Variants in CLPTM1 observed in about 807,000 individuals in gnomAD.
CLPTM1 encodes the protein putative lipid scramblase CLPTM1.
In CLPTM1, 21 loss-of-function variants were observed where a neutral mutation model predicts 77.3. The observed-to-expected ratio is 0.27, with a 90% CI of 0.19 to 0.39. The LOEUF is 0.39. CLPTM1 is among the 10% of genes least tolerant of loss of function. CLPTM1 has a pLI of 1.00. For missense variants in CLPTM1, 642 were observed against 921.2 expected (o/e 0.70, Z 3.92); for synonymous variants, 373 against 381.0 (o/e 0.98, Z 0.24).
At chr19:44,957,071 A>G (rs990655187) in intron 1 of CLPTM1, among the ~76,000 whole-genome samples, 3 of 152,188 alleles carry the variant, frequency 2.0e-5, no homozygotes, top group African/African-American at 7.2e-5. Context: ...GTCTCCAGAC[A>G]TTGCCAAATG....
chr19:44,993,015 G>A lies in CLPTM1; in HGVS notation c.*118G>A, dbSNP rs755280211. 2 of 1,288,186 alleles carry A rather than the reference G, an allele frequency of 1.6e-6. No individual in the cohort carries two copies. The highest frequency in any genetic ancestry group is 5.0e-5 in the East Asian group (2 of 40,222). 79.8% of individuals were successfully genotyped at this position (1,288,186 alleles called of 1,614,324 possible). On this transcript the variant is annotated 3_prime_UTR_variant, in exon 14 of 14. Coordinates refer to ENST00000337392, the MANE Select transcript of CLPTM1 (RefSeq NM_001294.4). Reference sequence around the variant, plus strand: ...ACAGATCAGGCCGGGGCGGTGGGAGGCCCGCCTCAGGTCAGGGCCCAGCGT... The same window carrying A: ...ACAGATCAGGCCGGGGCGGTGGGAGACCCGCCTCAGGTCAGGGCCCAGCGT...
At chr19:44,956,414 G>A (rs4803781) in intron 1 of CLPTM1, among the ~76,000 whole-genome samples, 79,647 of 152,058 alleles carry the variant, frequency 0.52, 21,485 homozygotes, top group African/African-American at 0.62. Context: ...GTAAACAGTT[G>A]TAATCCTGAA....
In CLPTM1 at chr19:44,990,810, C is replaced by T. The variant is rs1480593361; in HGVS notation, c.1324-40C>T. 2 of 1,533,198 alleles carry T rather than the reference C, an allele frequency of 1.3e-6. No individual in the cohort carries two copies. The highest frequency in any genetic ancestry group is 1.8e-6 in the Non-Finnish European group (2 of 1,111,188). The allele number at this position is 1,533,198 out of a possible 1,614,324, so 95.0% of individuals were successfully genotyped here. A position where few individuals can be genotyped will look rare whatever the true frequency, so the allele number is the denominator to read the frequency against. ...CTGGTTCTGGCTTGTGGGGTGGGAG[C>T]CAGCGTAGCAACTGACCATGGCACC... On this transcript the variant is annotated intron_variant, in intron 10 of 13. Transcript: ENST00000337392. This position sits in a 1 kb window ranked among gnomAD's most constrained non-coding sequence, Gnocchi z 4.8.
At chr19:44,966,793 G>A (rs1292935400) in intron 2 of CLPTM1, among the ~76,000 whole-genome samples, 2 of 150,802 alleles carry the variant, frequency 1.3e-5, no homozygotes, top group Non-Finnish European at 3.0e-5. Flanking sequence ...TGTTCAACGT[G>A]GAAAAAAAAA....
Position 44,993,061 on chromosome 19 carries a change from G to T in CLPTM1, c.*164G>T. The T allele has an allele frequency of 1.1e-6, 1 of 891,716 alleles. No homozygotes were observed. The allele number at this position is 891,716 out of a possible 1,614,324, so 55.2% of individuals were successfully genotyped here. The stretch of plus-strand genomic sequence containing the variant: ...AGCGTGTGATGTAGGGGCCGGGGCA[G>T]GCCAGGGTTTGTTTGTGGAGGCGCT... On this transcript the variant is annotated 3_prime_UTR_variant, in exon 14 of 14. Coordinates refer to ENST00000337392, the MANE Select transcript of CLPTM1 (RefSeq NM_001294.4).
At position 44,991,604 on chromosome 19, in the gene CLPTM1, G is replaced by A. The variant is rs1360489938; in HGVS notation, c.1555+231G>A. On this transcript the variant is annotated intron_variant, in intron 12 of 13. Transcript: ENST00000337392. This position sits in a 1 kb window ranked among gnomAD's most constrained non-coding sequence, Gnocchi z 5.4. ...TTCTCAGGGGGCCTTTGTGTCTTGGGAACAAGTAAACAAGTAGGGCCAGGT... is the reference window on the plus strand; with the variant it reads ...TTCTCAGGGGGCCTTTGTGTCTTGGAAACAAGTAAACAAGTAGGGCCAGGT... Among the ~76,000 whole-genome samples, 1 of 152,114 alleles carries A rather than the reference G, an allele frequency of 6.6e-6. No individual in the cohort carries two copies. Among genetic ancestry groups the A allele is most frequent in the Admixed American group, 6.6e-5 (1 of 15,262 alleles).
At chr19:44,980,323 A>G (rs1970874368) in intron 5 of CLPTM1, among the ~76,000 whole-genome samples, 1 of 152,084 alleles carries the variant, frequency 6.6e-6, no homozygotes, top group Admixed American at 6.6e-5. Context: ...AGCCTGGCCA[A>G]CATGGTGAAA....
intron 2 of CLPTM1, 23 bp downstream of exon 2, chr19:44,962,098 T>G: frequency 7.0e-7 from 1 of 1,422,358 alleles, no homozygotes. Flanking sequence ...GACTTGGGTT[T>G]GTTCACCGAA....
In CLPTM1 at chr19:44,990,983, C is replaced by A; in HGVS notation, c.1419+38C>A. 1 of 1,396,570 alleles carries A rather than the reference C, an allele frequency of 7.2e-7. No individual in the cohort carries two copies. Among genetic ancestry groups the A allele is most frequent in the South Asian group, 1.2e-5 (1 of 84,556 alleles). 86.5% of individuals were successfully genotyped at this position (1,396,570 alleles called of 1,614,324 possible). On this transcript the variant is annotated intron_variant, in intron 11 of 13. Transcript: ENST00000337392. The surrounding 1 kb of genome is among the most constrained non-coding windows in gnomAD (Gnocchi z 4.8). ...CACAGTGGGCCCCTGGGGGTGGTCT[C>A]CAGGTACCACGTATCCCTGAGGCAC...
chr19:44,955,623 G>C, intron 1 of CLPTM1, 156 bp downstream of exon 1: 1 of 689,644 alleles, frequency 1.5e-6, no homozygotes, highest in East Asian at 3.5e-5. Flanking sequence ...GACCGCCCGG[G>C]AGGCCGGACG....
chr19:44,955,105 C>T (rs1347384653), upstream of CLPTM1: 1 of 1,535,610 alleles, frequency 6.5e-7, no homozygotes, highest in Non-Finnish European at 8.7e-7. Context: ...TGTGAAGGGA[C>T]GGAAGGGACA....
At chr19:44,973,614 A>G (rs1205937815) in intron 3 of CLPTM1, among the ~76,000 whole-genome samples, 1 of 152,098 alleles carries the variant, frequency 6.6e-6, no homozygotes, top group Non-Finnish European at 1.5e-5. Flanking sequence ...GGAGACCTGC[A>G]CTTCCACAGT....
chr19:44,967,500 A>C (rs974204743), intron 2 of CLPTM1, among the ~76,000 whole-genome samples: 129 of 152,246 alleles, frequency 8.5e-4, no homozygotes, highest in African/African-American at 2.8e-3. Context: ...TCTGCAAAAA[A>C]TACAAAATTA....
chr19:44,967,024 G>C (rs1318329008), intron 2 of CLPTM1, among the ~76,000 whole-genome samples: 2 of 152,124 alleles, frequency 1.3e-5, no homozygotes, highest in Non-Finnish European at 2.9e-5. Flanking sequence ...TGTATTTTTA[G>C]TAGAGACAGG....
In CLPTM1 at chr19:44,987,280, G is replaced by A. The variant is rs773471647; in HGVS notation, c.895G>A (p.Ala299Thr). The A allele has an allele frequency of 1.5e-5, 24 of 1,614,114 alleles. No individual in the cohort carries two copies. The highest frequency in any genetic ancestry group is 1.9e-5 in the Non-Finnish European group (23 of 1,180,048). The change falls in exon 8 of 14, where the codon GCC becomes ACC. Residue 299 changes from alanine (A) to threonine (T), a missense_variant. This residue lies in a region of CLPTM1 where 521 missense variants were observed against 800.4 expected (regional missense o/e 0.65). Transcript: ENST00000337392. ...CTACTACCCCATCAACGAGAGCCTG[G>A]CCAGCCTGCCGCTCCGCGTCTCCTT... ...KDYYPINESL[A>T]SLPLRVSFCP... is the part of the protein sequence containing the mutation.
At position 44,990,671 on chromosome 19, in the gene CLPTM1, C is replaced by CG; in HGVS notation, c.1323+91dup. On this transcript the variant is annotated intron_variant, in intron 10 of 13. Coordinates refer to ENST00000337392, the MANE Select transcript of CLPTM1 (RefSeq NM_001294.4). This position sits in a 1 kb window ranked among gnomAD's most constrained non-coding sequence, Gnocchi z 4.8. The stretch of plus-strand genomic sequence containing the variant: ...CCAGCTGGACCCTGGAGCTGGCCCC[C>CG]GGGGGATTCCCAGCAAGTGCCTCAC... 1.3e-6 allele frequency: 2 copies of CG among 1,485,432 alleles called. No homozygotes were observed. The highest frequency in any genetic ancestry group is 1.9e-6 in the Non-Finnish European group (2 of 1,080,032). The allele number at this position is 1,485,432 out of a possible 1,614,324, so 92.0% of individuals were successfully genotyped here.
intron 3 of CLPTM1, among the ~76,000 whole-genome samples, chr19:44,973,920 C>T (rs771363614): frequency 4.0e-5 from 6 of 150,752 alleles, no homozygotes; most frequent in Admixed American, 3.3e-4. Context: ...TGTGCCACCA[C>T]GTCCAGCTAA....
intron 4 of CLPTM1, among the ~76,000 whole-genome samples, chr19:44,976,826 G>A (rs559499303): frequency 5.3e-5 from 8 of 152,288 alleles, no homozygotes; most frequent in East Asian, 1.9e-4. Context: ...CATGAGCCCC[G>A]TTTGCCTCAT....
chr19:44,987,606 G>A, intron 8 of CLPTM1, 183 bp downstream of exon 8: 1 of 758,798 alleles, frequency 1.3e-6, no homozygotes, highest in Admixed American at 2.7e-5. Flanking sequence ...TCCAGCCCTA[G>A]ATGACTGGGG....
Sources: allele counts gnomAD v4.1 joint callset (sites outside exome capture counted in the v4.1 genomes callset), GRCh38; gene constraint gnomAD v4.1.1; regional missense constraint gnomAD v4.1.1; non-coding constraint Gnocchi (gnomAD v3.1); transcripts MANE v1.5; gene names NCBI Gene and HGNC (gene_info 2026-07-23, HGNC 2026-07-21).